The following BABAM2 variants were observed in gnomAD, a reference collection of about 807,000 sequenced individuals.
BABAM2 encodes BRISC and BRCA1-A complex member 2.
A neutral mutation model predicts 54.7 loss-of-function variants in BABAM2; 31 were observed. The observed-to-expected ratio is 0.57, with a 90% CI of 0.43 to 0.77. The LOEUF (loss-of-function observed/expected upper bound fraction) is 0.77, where lower values mean the gene tolerates loss of function less well. Ranked by LOEUF, BABAM2 falls within the 30% of genes least tolerant of loss-of-function variation. The pLI, the probability that BABAM2 is intolerant of heterozygous loss-of-function variation, is 0.00. For synonymous variants in BABAM2, 167 were observed against 162.9 expected, an observed-to-expected ratio of 1.03 and a Z score of -0.19; for missense variants, 364 against 455.8, an observed-to-expected ratio of 0.80 and a Z score of 1.83.
chr2:28,230,703 A>G (rs1681300080), intron 7 of BABAM2, among the ~76,000 whole-genome samples: 1 of 139,212 alleles, frequency 7.2e-6, no homozygotes, highest in East Asian at 2.1e-4. Flanking sequence ...ACAACAGAGC[A>G]AGACCCTGTC....
chr2:28,071,332 T>C lies in BABAM2; in HGVS notation c.570+25533T>C, dbSNP rs1185631603. On this transcript the variant is annotated intron_variant, in intron 6 of 11. Coordinates refer to ENST00000379624, the MANE Select transcript of BABAM2 (RefSeq NM_199191.3). ...TTGTTGAAGAACTCAGGTCATTTAC[T>C]TGTAGTTTCCCACAGTCTAGATTTT... is the stretch of plus-strand genomic sequence containing the variant. Among the ~76,000 whole-genome samples, 5 of 152,350 alleles carry C rather than the reference T, an allele frequency of 3.3e-5. 1 individual carries two copies. In the Middle Eastern group the frequency reaches 0.01, roughly 311 times the overall value.
At chr2:27,960,781 T>C (rs971850535) in intron 3 of BABAM2, among the ~76,000 whole-genome samples, 2 of 152,194 alleles carry the variant, frequency 1.3e-5, no homozygotes, top group African/African-American at 4.8e-5. Context: ...AGTCCAGGAC[T>C]TCTGAGTCCC....
At chr2:28,258,606 T>C (rs2148124461) in intron 10 of BABAM2, among the ~76,000 whole-genome samples, 1 of 84,294 alleles carries the variant, frequency 1.2e-5, no homozygotes, top group East Asian at 2.9e-4. Context: ...TCTTTTTCTT[T>C]TTTCTTTTCT....
intron 7 of BABAM2, among the ~76,000 whole-genome samples, chr2:28,207,031 G>A (rs928984112): frequency 1.3e-5 from 2 of 152,162 alleles, no homozygotes; most frequent in East Asian, 3.9e-4. Context: ...TGTGAGGTAG[G>A]TACTGTTACT....
chr2:28,115,442 C>T (rs1358146499), intron 6 of BABAM2, among the ~76,000 whole-genome samples: 8 of 151,754 alleles, frequency 5.3e-5, no homozygotes, highest in East Asian at 1.9e-4. Context: ...CTGGCTAACA[C>T]GATGAAACCC....
chr2:28,217,402 A>G (rs1680015278), intron 7 of BABAM2, among the ~76,000 whole-genome samples: 1 of 152,246 alleles, frequency 6.6e-6, no homozygotes. Context: ...TTTGTTCAAC[A>G]AGAGCATTTC....
intron 6 of BABAM2, among the ~76,000 whole-genome samples, chr2:28,046,319 G>T (rs141197880): frequency 6.6e-6 from 1 of 152,102 alleles, no homozygotes; most frequent in African/African-American, 2.4e-5. Context: ...TATTAGCCGG[G>T]CATGGTGGCA....
At chr2:28,136,367 C>T (rs1367538587) in intron 7 of BABAM2, among the ~76,000 whole-genome samples, 2 of 152,244 alleles carry the variant, frequency 1.3e-5, no homozygotes, top group Non-Finnish European at 2.9e-5. Flanking sequence ...CTCTTTAAGG[C>T]CTGGGCCTCT....
At chr2:28,208,154 C>T (rs1679075797) in intron 7 of BABAM2, among the ~76,000 whole-genome samples, 4 of 151,960 alleles carry the variant, frequency 2.6e-5, no homozygotes, top group African/African-American at 4.8e-5. Flanking sequence ...TCAGGCAGGT[C>T]GTTAGCTCCT....
chr2:28,198,122 G>T (rs539422070), intron 7 of BABAM2, among the ~76,000 whole-genome samples: 1 of 151,942 alleles, frequency 6.6e-6, no homozygotes, highest in East Asian at 1.9e-4. Context: ...GGGGTAGAAG[G>T]GAGAAAAAGC....
chr2:27,973,353 G>T (rs994776538), intron 3 of BABAM2, among the ~76,000 whole-genome samples: 1 of 151,910 alleles, frequency 6.6e-6, no homozygotes, highest in Non-Finnish European at 1.5e-5. Context: ...TATGCACTGG[G>T]CAAGGACAGA....
chr2:27,998,722 A>C (rs1673354526), intron 4 of BABAM2, among the ~76,000 whole-genome samples: 1 of 152,134 alleles, frequency 6.6e-6, no homozygotes, highest in African/African-American at 2.4e-5. Flanking sequence ...CTTTCCCCTT[A>C]CTGTGAATAA....
intron 7 of BABAM2, among the ~76,000 whole-genome samples, chr2:28,160,560 T>C (rs1222322103): frequency 2.0e-5 from 3 of 152,170 alleles, no homozygotes; most frequent in East Asian, 1.9e-4. Flanking sequence ...CACACAAATA[T>C]GGCTTTTTTT....
At chr2:28,061,701 A>G (rs1280865536) in intron 6 of BABAM2, among the ~76,000 whole-genome samples, 1 of 152,022 alleles carries the variant, frequency 6.6e-6, no homozygotes, top group Non-Finnish European at 1.5e-5. Context: ...TTAACTCAAA[A>G]TGGATTATAG....
intron 7 of BABAM2, among the ~76,000 whole-genome samples, chr2:28,164,320 C>A (rs887277759): frequency 2.6e-5 from 4 of 152,206 alleles, no homozygotes; most frequent in Middle Eastern, 3.4e-3. Flanking sequence ...TACACCCCCA[C>A]GTGGAGTTAG....
chr2:28,073,710 A>AC (rs1226739853), intron 6 of BABAM2, among the ~76,000 whole-genome samples: 1 of 152,022 alleles, frequency 6.6e-6, no homozygotes, highest in African/African-American at 2.4e-5. Flanking sequence ...TGTATTGTGG[A>AC]CTCACCACAT....
chr2:27,962,385 G>A (rs1408300422), intron 3 of BABAM2, among the ~76,000 whole-genome samples: 1 of 152,172 alleles, frequency 6.6e-6, no homozygotes, highest in Admixed American at 6.5e-5. Context: ...ACAGGTGTGA[G>A]CCACTGTGCC....
chr2:27,907,360 G>T (rs1375108034), intron 2 of BABAM2, among the ~76,000 whole-genome samples: 1 of 151,122 alleles, frequency 6.6e-6, no homozygotes, highest in African/African-American at 2.4e-5. Flanking sequence ...AGAGCATTTT[G>T]ATGTTCCGCT....
At chr2:28,299,221 C>T (rs756586239) in intron 11 of BABAM2, among the ~76,000 whole-genome samples, 5 of 152,106 alleles carry the variant, frequency 3.3e-5, no homozygotes, top group South Asian at 4.1e-4. Context: ...TCATAGAGGT[C>T]GAAGTTAGCT....
Sources: gnomAD v4.1 joint callset for allele counts (sites outside exome capture counted in the v4.1 genomes callset) on GRCh38, gnomAD v4.1.1 for gene constraint, MANE v1.5 for transcripts, NCBI Gene and HGNC (gene_info 2026-07-23, HGNC 2026-07-21) for gene names.